The following CACNA1E variants were observed in gnomAD, a reference collection of about 807,000 sequenced individuals.
CACNA1E encodes calcium voltage-gated channel subunit alpha1 E, also known as voltage-dependent R-type calcium channel subunit alpha-1E.
CACNA1E carries 40 observed loss-of-function variants against 259.2 expected under a neutral mutation model. The ratio of observed to expected loss-of-function variants is 0.15; its 90% confidence interval spans 0.12 to 0.20. The LOEUF (loss-of-function observed/expected upper bound fraction) is 0.20. Among genes scored for constraint, CACNA1E ranks in the 10% least tolerant of loss-of-function variants. CACNA1E has a pLI of 1.00. For missense variants in CACNA1E, 1,874 were observed against 3,040.1 expected (o/e 0.62, Z 9.02); for synonymous variants, 1,104 against 1,138.5 (o/e 0.97, Z 0.61).
intron 3 of CACNA1E, among the ~76,000 whole-genome samples, chr1:181,556,054 C>G (rs1002699716): frequency 6.6e-6 from 1 of 152,230 alleles, no homozygotes; most frequent in Non-Finnish European, 1.5e-5. Flanking sequence ...TAGCTATTGT[C>G]ACCTCCTTTG....
rs542728896 is a variant in CACNA1E, at chr1:181,425,275, C to T, written c.434+11695C>T. Among the ~76,000 whole-genome samples, 4 of 152,168 alleles carry T rather than the reference C, an allele frequency of 2.6e-5. No homozygotes were observed. In the East Asian group the frequency reaches 7.8e-4, roughly 30 times the overall value. On this transcript the variant is annotated intron_variant, in intron 2 of 11. Coordinates refer to the CACNA1E transcript ENST00000524607. ...AAGGGCCTTGGCAGGGCACGATGAG[C>T]GCCCCGAGACTCCCACCGCAGTCCA... is the stretch of plus-strand genomic sequence containing the variant.
chr1:181,456,108 T>C (rs989398293), intron 2 of CACNA1E, among the ~76,000 whole-genome samples: 8 of 151,780 alleles, frequency 5.3e-5, no homozygotes, highest in African/African-American at 1.7e-4. Flanking sequence ...GAAGGGAGGA[T>C]GAGGAGAAGG....
upstream of CACNA1E, among the ~76,000 whole-genome samples, chr1:181,480,412 AT>A (rs1305175555): frequency 1.3e-5 from 2 of 152,198 alleles, no homozygotes; most frequent in Non-Finnish European, 2.9e-5. Flanking sequence ...TTCCACATTA[AT>A]TCCCAACCTA....
At chr1:181,514,813 C>T (rs147052754) in intron 3 of CACNA1E, among the ~76,000 whole-genome samples, 147 of 152,294 alleles carry the variant, frequency 9.7e-4, no homozygotes, top group African/African-American at 3.2e-3. Flanking sequence ...GCCTGGGCTA[C>T]CACATTCTGC....
intron 1 of CACNA1E, among the ~76,000 whole-genome samples, chr1:181,412,389 G>C (rs147301248): frequency 6.6e-6 from 1 of 152,152 alleles, no homozygotes; most frequent in Non-Finnish European, 1.5e-5. Context: ...TAGGCAACAC[G>C]GGGAAACGTC....
chr1:181,359,617 G>A (rs1653713329), intron 1 of CACNA1E, among the ~76,000 whole-genome samples: 1 of 152,116 alleles, frequency 6.6e-6, no homozygotes, highest in Non-Finnish European at 1.5e-5. Context: ...ATGGCTCTGT[G>A]CTTCCTCTGC....
chr1:181,718,945 C>A (rs1449439253), intron 12 of CACNA1E, among the ~76,000 whole-genome samples: 1 of 152,228 alleles, frequency 6.6e-6, no homozygotes, highest in East Asian at 1.9e-4. Flanking sequence ...TCCTGAACCA[C>A]TTCTCTTTCT....
At chr1:181,533,110 T>G (rs1416697166) in intron 3 of CACNA1E, among the ~76,000 whole-genome samples, 1 of 151,942 alleles carries the variant, frequency 6.6e-6, no homozygotes, top group Non-Finnish European at 1.5e-5. Context: ...TCTTAGGCAG[T>G]CAGATCCCAC....
At chr1:181,624,103 G>C (rs1463738032) in intron 6 of CACNA1E, among the ~76,000 whole-genome samples, 1 of 152,208 alleles carries the variant, frequency 6.6e-6, no homozygotes, top group Non-Finnish European at 1.5e-5. Flanking sequence ...AGAGAGTGGG[G>C]AGGGAGGTAC....
At chr1:181,703,125 A>C (rs1241662005) in intron 7 of CACNA1E, among the ~76,000 whole-genome samples, 1 of 152,154 alleles carries the variant, frequency 6.6e-6, no homozygotes, top group Non-Finnish European at 1.5e-5. Flanking sequence ...CTCATATTCT[A>C]AAACAGTACC....
rs116632668 is a variant in CACNA1E at position 181,459,431 on chromosome 1, T to C, written c.435-24313T>C. On this transcript the variant is annotated intron_variant, in intron 2 of 11. Coordinates refer to the CACNA1E transcript ENST00000524607. ...GTTGTTGTGTCTAGCACATGAACTC[T>C]GTGAGGATTCCTCTGTAGAAGCTGC... 9.6e-3 allele frequency among the ~76,000 whole-genome samples: 1,460 copies of C among 152,368 alleles called. 23 individuals are homozygous for C. Among genetic ancestry groups the C allele is most frequent in the African/African-American group, 0.034 (1,393 of 41,580 alleles).
At chr1:181,722,589 C>T (rs1654510944) in intron 16 of CACNA1E, among the ~76,000 whole-genome samples, 1 of 152,140 alleles carries the variant, frequency 6.6e-6, no homozygotes, top group South Asian at 2.1e-4. Flanking sequence ...CTATTTTTTA[C>T]AACTGAAAGG....
chr1:181,322,059 G>A lies in CACNA1E; in HGVS notation c.-15+3936G>A, dbSNP rs1009055253. 3.3e-5 allele frequency among the ~76,000 whole-genome samples: 5 copies of A among 152,170 alleles called. 1 individual carries two copies. The highest frequency in any genetic ancestry group is 1.2e-4 in the African/African-American group (5 of 41,428). On this transcript the variant is annotated intron_variant, in intron 1 of 11. Coordinates refer to the CACNA1E transcript ENST00000524607. Reference sequence around the variant, plus strand: ...AGGAGTTAGATGGAGGGCCATGGAAGAAACCTTCTGGGTGGAGCAGCGACT... The same window carrying A: ...AGGAGTTAGATGGAGGGCCATGGAAAAAACCTTCTGGGTGGAGCAGCGACT...
intron 7 of CACNA1E, among the ~76,000 whole-genome samples, chr1:181,693,984 G>A (rs1035437995): frequency 1.3e-5 from 2 of 152,142 alleles, no homozygotes; most frequent in Admixed American, 6.6e-5. Context: ...AACCCCTTTA[G>A]GATATGAGGC....
At chr1:181,481,375 C>T (rs1227205675), upstream of CACNA1E, among the ~76,000 whole-genome samples, 1 of 151,782 alleles carries the variant, frequency 6.6e-6, no homozygotes, top group African/African-American at 2.4e-5. Flanking sequence ...CACACACTCT[C>T]ACATACATTC....
chr1:181,339,973 G>A (rs2102628774), intron 1 of CACNA1E, among the ~76,000 whole-genome samples: 1 of 151,854 alleles, frequency 6.6e-6, no homozygotes, highest in Non-Finnish European at 1.5e-5. Context: ...CTTTCATACA[G>A]TTGAATGTAT....
At chr1:181,714,842 A>ATC (rs1369767089) in intron 8 of CACNA1E, among the ~76,000 whole-genome samples, 1 of 152,192 alleles carries the variant, frequency 6.6e-6, no homozygotes, top group Non-Finnish European at 1.5e-5. Flanking sequence ...ACCTTTGGGC[A>ATC]TCTTCCTCTG....
upstream of CACNA1E, among the ~76,000 whole-genome samples, chr1:181,481,370 A>ACACT (rs1431580391): frequency 1.1e-4 from 16 of 146,814 alleles, no homozygotes; most frequent in East Asian, 5.9e-4. Context: ...ACACACACAC[A>ACACT]CTCTCACATA....
At chr1:181,518,522 G>A (rs1346970252) in intron 3 of CACNA1E, among the ~76,000 whole-genome samples, 1 of 152,170 alleles carries the variant, frequency 6.6e-6, no homozygotes, top group African/African-American at 2.4e-5. Context: ...AGGGAGAGGT[G>A]GGCAAAAGAC....
Sources: gnomAD v4.1 joint callset for allele counts (sites outside exome capture counted in the v4.1 genomes callset) on GRCh38, gnomAD v4.1.1 for gene constraint, MANE v1.5 for transcripts, NCBI Gene and HGNC (gene_info 2026-07-23, HGNC 2026-07-21) for gene names.